BICD1: variants seen among roughly 807,000 people sequenced by gnomAD.
BICD1 encodes the protein protein bicaudal D homolog 1.
BICD1 carries 35 observed loss-of-function variants against 92.5 expected under a neutral mutation model. The ratio of observed to expected loss-of-function variants is 0.38; its 90% CI spans 0.29 to 0.50. The LOEUF (loss-of-function observed/expected upper bound fraction) is 0.50, where lower values mean the gene tolerates loss of function less well. BICD1 is among the 20% of genes least tolerant of loss of function. The pLI is 0.93. For missense variants in BICD1, 950 were observed against 1,189.8 expected, an observed-to-expected ratio of 0.80 and a Z score of 2.97; for synonymous variants, 429 against 465.1, an observed-to-expected ratio of 0.92 and a Z score of 1.00.
intron 2 of BICD1, among the ~76,000 whole-genome samples, chr12:32,291,984 C>T (rs1024334870): frequency 9.9e-5 from 15 of 152,208 alleles, no homozygotes; most frequent in Non-Finnish European, 2.1e-4. Context: ...TCACCCTACC[C>T]TCCTGCAAAG....
chr12:32,207,382 CT>C (rs1945090167), intron 1 of BICD1, among the ~76,000 whole-genome samples: 1 of 151,966 alleles, frequency 6.6e-6, no homozygotes, highest in Non-Finnish European at 1.5e-5. Context: ...CTTAGAAAAA[CT>C]TGGGGTATTA....
chr12:32,351,865 C>T (rs914287125), intron 8 of BICD1, among the ~76,000 whole-genome samples: 3 of 147,516 alleles, frequency 2.0e-5, no homozygotes, highest in East Asian at 2.1e-4. Flanking sequence ...GCCAAGATGG[C>T]GCCACTGCAC....
intron 8 of BICD1, chr12:32,353,829 G>C (rs1006980892): frequency 6.6e-6 from 1 of 152,242 alleles, no homozygotes; most frequent in Admixed American, 6.5e-5. Context: ...GACCATCATC[G>C]TACCACCTTG....
At chr12:32,186,802 T>G (rs1439293603) in intron 1 of BICD1, among the ~76,000 whole-genome samples, 1 of 152,232 alleles carries the variant, frequency 6.6e-6, no homozygotes, top group Non-Finnish European at 1.5e-5. Context: ...TCTGCTTAAA[T>G]CTCTGCATTA....
chr12:32,339,020 A>G, intron 8 of BICD1, 41 bp downstream of exon 8: 1 of 1,545,494 alleles, frequency 6.5e-7, no homozygotes, highest in Non-Finnish European at 8.7e-7. Context: ...GCAAATGATT[A>G]GTTGAATAGA....
At chr12:32,334,772 A>G in intron 6 of BICD1, 105 bp downstream of exon 6, 2 of 1,253,202 alleles carry the variant, frequency 1.6e-6, no homozygotes, top group East Asian at 2.5e-5. Context: ...TGAGTAGTCT[A>G]GGATGGCTAA....
At chr12:32,322,474 C>T (rs937079196) in intron 4 of BICD1, among the ~76,000 whole-genome samples, 3 of 152,226 alleles carry the variant, frequency 2.0e-5, no homozygotes, top group East Asian at 1.9e-4. Flanking sequence ...CAATAGGGTT[C>T]GCACTCCTAT....
intron 8 of BICD1, among the ~76,000 whole-genome samples, chr12:32,363,834 C>T (rs1197452920): frequency 6.6e-6 from 1 of 152,188 alleles, no homozygotes; most frequent in Non-Finnish European, 1.5e-5. Context: ...TCAAATTGCA[C>T]CTCTACCTCC....
chr12:32,342,934 C>A lies in BICD1; in HGVS notation c.2764+3955C>A, dbSNP rs1029386062. On this transcript the variant is annotated intron_variant, in intron 8 of 9. Coordinates refer to ENST00000652176, the MANE Select transcript of BICD1 (RefSeq NM_001714.4). Reference sequence around the variant, plus strand: ...TAATTGATTAATGCATTATACTGATCGGTTTGCTGCATTAGTACAACCTTT... The same window carrying A: ...TAATTGATTAATGCATTATACTGATAGGTTTGCTGCATTAGTACAACCTTT... Among the ~76,000 whole-genome samples the A allele has an allele frequency of 3.3e-5, 5 of 152,282 alleles. No homozygotes were observed. In the East Asian group the frequency reaches 5.8e-4, roughly 18 times the overall value.
intron 9 of BICD1, among the ~76,000 whole-genome samples, chr12:32,375,710 G>A (rs1450539517): frequency 6.6e-6 from 1 of 152,116 alleles, no homozygotes; most frequent in Non-Finnish European, 1.5e-5. Context: ...ACTTCAAAGA[G>A]TTTGGGAAGA....
intron 1 of BICD1, chr12:32,108,487 A>C (rs748585329): frequency 2.5e-5 from 12 of 482,114 alleles, no homozygotes; most frequent in Non-Finnish European, 4.4e-5. Context: ...TTCTTGAGGC[A>C]CTATGGGTAG....
intron 2 of BICD1, among the ~76,000 whole-genome samples, chr12:32,235,506 G>T (rs562809423): frequency 1.8e-4 from 27 of 151,802 alleles, no homozygotes; most frequent in African/African-American, 6.3e-4. Flanking sequence ...TTAAACACAG[G>T]CATACTGTGT....
intron 3 of BICD1, among the ~76,000 whole-genome samples, chr12:32,303,316 A>G (rs1322032533): frequency 2.0e-5 from 3 of 152,200 alleles, no homozygotes; most frequent in Non-Finnish European, 2.9e-5. Flanking sequence ...ATATTCACAT[A>G]TACAACTGGC....
At chr12:32,226,090 A>G (rs1245590886) in intron 2 of BICD1, among the ~76,000 whole-genome samples, 1 of 152,136 alleles carries the variant, frequency 6.6e-6, no homozygotes, top group Non-Finnish European at 1.5e-5. Flanking sequence ...ACTTTTGCCC[A>G]TTTTTAATTG....
chr12:32,295,128 A>C (rs1405412101), intron 3 of BICD1, among the ~76,000 whole-genome samples: 1 of 149,492 alleles, frequency 6.7e-6, no homozygotes, highest in Non-Finnish European at 1.5e-5. Context: ...TTTCTTTTTC[A>C]GCTGTAACCT....
At chr12:32,213,624 G>T (rs988021816) in intron 1 of BICD1, among the ~76,000 whole-genome samples, 41 of 152,190 alleles carry the variant, frequency 2.7e-4, no homozygotes, top group Admixed American at 3.3e-4. Flanking sequence ...TTGAACTCCT[G>T]ACCTCAGATG....
chr12:32,342,741 G>A (rs1228697630), intron 8 of BICD1, among the ~76,000 whole-genome samples: 2 of 152,082 alleles, frequency 1.3e-5, no homozygotes, highest in Non-Finnish European at 2.9e-5. Context: ...TTAAGACACA[G>A]AACATAAAAT....
chr12:32,131,642 G>T (rs1438929385), intron 1 of BICD1, among the ~76,000 whole-genome samples: 2 of 152,090 alleles, frequency 1.3e-5, no homozygotes, highest in African/African-American at 4.8e-5. Flanking sequence ...AGGGGAACTT[G>T]GTGTAGGAAA....
At chr12:32,170,054 A>C (rs1943889940) in intron 1 of BICD1, among the ~76,000 whole-genome samples, 1 of 152,246 alleles carries the variant, frequency 6.6e-6, no homozygotes, top group Non-Finnish European at 1.5e-5. Context: ...GGCCCACATG[A>C]AACCTGTCCC....
Sources: gnomAD v4.1 joint callset for allele counts (sites outside exome capture counted in the v4.1 genomes callset) on GRCh38, gnomAD v4.1.1 for gene constraint, MANE v1.5 for transcripts, NCBI Gene and HGNC (gene_info 2026-07-23, HGNC 2026-07-21) for gene names.